EGFL6: variants seen among roughly 807,000 people sequenced by gnomAD.
EGFL6 encodes epidermal growth factor-like protein 6.
Under a neutral mutation model 43.1 loss-of-function variants are expected in EGFL6, and 42 were observed. The observed-to-expected ratio is 0.98, with a 90% CI of 0.76 to 1.26. EGFL6 has a LOEUF of 1.26. EGFL6 is among the 50% of genes most tolerant of loss of function. The pLI is 0.00. For synonymous variants in EGFL6, 164 were observed against 163.2 expected, an observed-to-expected ratio of 1.01 and a Z score of -0.04; for missense variants, 429 against 427.8, an observed-to-expected ratio of 1.00 and a Z score of -0.02.
At chrX:13,615,555 A>T (rs2045714027) in intron 7 of EGFL6, among the ~76,000 whole-genome samples, 1 of 112,112 alleles carries the variant, frequency 8.9e-6, no homozygotes, top group South Asian at 3.7e-4. Context: ...ATAACTTAAC[A>T]TGCAATCTCT....
rs1447666946 is a variant in EGFL6 at position 13,589,571 on chromosome X, G to A, written c.90G>A (p.Gly30=). ...TTATCTGCAGTGCAAGGCATCACGG[G>A]TTGTTAGCATCGGCACGTCAGCCTG... ...FGNAASARHH[G]LLASARQPGV... The change falls in exon 2 of 12, where the codon GGG becomes GGA. Residue 30 remains glycine, a synonymous_variant. Transcript: ENST00000361306. 3.3e-6 allele frequency: 4 copies of A among 1,208,578 alleles called. No individual in the cohort carries two copies. Among genetic ancestry groups the A allele is most frequent in the Non-Finnish European group, 4.5e-6 (4 of 894,323 alleles).
At chrX:13,581,357 C>G (rs146030467) in intron 1 of EGFL6, among the ~76,000 whole-genome samples, 3,605 of 111,451 alleles carry the variant, frequency 0.032, 133 homozygotes, top group African/African-American at 0.11. Flanking sequence ...GACTTGTACT[C>G]TGTTTCTTGA....
intron 4 of EGFL6, 138 bp downstream of exon 4, chrX:13,600,232 C>A: frequency 5.0e-6 from 2 of 403,470 alleles, no homozygotes; most frequent in Non-Finnish European, 7.4e-6. Context: ...TTTTGTGGCA[C>A]TTGTTTCTTT....
chrX:13,600,309 CAG>C (rs1211997034), intron 4 of EGFL6, among the ~76,000 whole-genome samples: 1 of 50,581 alleles, frequency 2.0e-5, no homozygotes, highest in Non-Finnish European at 3.2e-5. Flanking sequence ...TTTTTTGAGA[CAG>C]AGTCTCGCTC....
At chrX:13,598,775 A>G (rs1345611704) in intron 3 of EGFL6, among the ~76,000 whole-genome samples, 1 of 105,589 alleles carries the variant, frequency 9.5e-6, no homozygotes, top group Non-Finnish European at 1.9e-5. Flanking sequence ...CATCCTGTGA[A>G]CGTCATATGT....
At chrX:13,604,706 C>T (rs1202579759) in intron 5 of EGFL6, among the ~76,000 whole-genome samples, 2 of 112,037 alleles carry the variant, frequency 1.8e-5, no homozygotes, top group African/African-American at 6.5e-5. Context: ...AATTACATTG[C>T]ACCTAATATA....
Position 13,581,612 on chromosome X carries a change from T to C in EGFL6, c.75-7944T>C, listed in dbSNP as rs777040549. 3.1e-4 allele frequency among the ~76,000 whole-genome samples: 35 copies of C among 112,474 alleles called. 1 individual carries two copies. The South Asian group carries it at 0.013, about 41-fold the overall frequency. On this transcript the variant is annotated intron_variant, in intron 1 of 11. Transcript: ENST00000361306. ...TGTCTTGGAGAATATCATGAAGTTT[T>C]CTGGAATCTGACCATAAACAAACAT... is the stretch of plus-strand genomic sequence containing the variant.
At chrX:13,607,306 A>G (rs1602651567) in intron 6 of EGFL6, among the ~76,000 whole-genome samples, 1 of 111,214 alleles carries the variant, frequency 9.0e-6, no homozygotes, top group Admixed American at 9.6e-5. Flanking sequence ...ACAAAGCTAT[A>G]TGCATGACAT....
rs1431810311 is a variant in EGFL6, at chrX:13,592,925, T to C, written c.188-1911T>C. Among the ~76,000 whole-genome samples, 5 of 104,116 alleles carry C rather than the reference T, an allele frequency of 4.8e-5. 1 individual carries two copies. In the Admixed American group the frequency reaches 5.1e-4, roughly 11 times the overall value. 90.4% of individuals were successfully genotyped at this position (104,116 alleles called of 115,157 possible). A position where few individuals can be genotyped will look rare whatever the true frequency, so the allele number is the denominator to read the frequency against. On this transcript the variant is annotated intron_variant, in intron 2 of 11. Coordinates refer to ENST00000361306, the MANE Select transcript of EGFL6 (RefSeq NM_015507.4). Reference sequence around the variant, plus strand: ...ATCAGGCTAGGTTCTTTCTTTTTTTTTTTTTTTTTGACAGAGTCTTGCTTT... The same window carrying C: ...ATCAGGCTAGGTTCTTTCTTTTTTTCTTTTTTTTTGACAGAGTCTTGCTTT...
intron 1 of EGFL6, among the ~76,000 whole-genome samples, chrX:13,584,284 A>G (rs1375348784): frequency 9.3e-6 from 1 of 107,550 alleles, no homozygotes; most frequent in Non-Finnish European, 1.9e-5. Flanking sequence ...TACTAGAAAA[A>G]CTCTCCTCAT....
intron 11 of EGFL6, among the ~76,000 whole-genome samples, chrX:13,631,839 A>G (rs1404037786): frequency 9.0e-6 from 1 of 111,665 alleles, no homozygotes; most frequent in Admixed American, 9.5e-5. Flanking sequence ...CATTCAGCAA[A>G]TATTGATTTT....
intron 1 of EGFL6, among the ~76,000 whole-genome samples, chrX:13,570,538 G>C (rs2045435479): frequency 8.9e-6 from 1 of 111,895 alleles, no homozygotes; most frequent in African/African-American, 3.3e-5. Flanking sequence ...TCTTGCTATG[G>C]CAATGCAGAC....
chrX:13,578,138 A>G (rs1285304239), intron 1 of EGFL6, among the ~76,000 whole-genome samples: 1 of 111,252 alleles, frequency 9.0e-6, no homozygotes, highest in Non-Finnish European at 1.9e-5. Context: ...CTTGCTCTTC[A>G]GTACGTTCTG....
intron 7 of EGFL6, among the ~76,000 whole-genome samples, chrX:13,612,721 G>A (rs1447921062): frequency 8.1e-5 from 9 of 111,779 alleles, no homozygotes; most frequent in East Asian, 2.8e-4. Flanking sequence ...CAAAATCCAC[G>A]CTTATGTACA....
chrX:13,611,749 C>A (rs1200558735), intron 7 of EGFL6, among the ~76,000 whole-genome samples: 1 of 112,253 alleles, frequency 8.9e-6, no homozygotes, highest in Non-Finnish European at 1.9e-5. Context: ...AGAAATTTGT[C>A]TTTATTCTTT....
intron 2 of EGFL6, among the ~76,000 whole-genome samples, chrX:13,591,280 C>A (rs1014688636): frequency 9.0e-6 from 1 of 111,674 alleles, no homozygotes; most frequent in South Asian, 3.7e-4. Flanking sequence ...GATTTAGAGT[C>A]TCTCTTACAG....
At chrX:13,622,696 C>T (rs755875271) in intron 9 of EGFL6, among the ~76,000 whole-genome samples, 1 of 112,358 alleles carries the variant, frequency 8.9e-6, no homozygotes, top group African/African-American at 3.2e-5. Context: ...CACAACTATT[C>T]AACTCCGTCA....
chrX:13,593,787 G>C (rs1352746338), intron 2 of EGFL6, among the ~76,000 whole-genome samples: 1 of 111,862 alleles, frequency 8.9e-6, no homozygotes, highest in African/African-American at 3.3e-5. Context: ...TGAATTTTTT[G>C]AGTCCAGGTA....
At chrX:13,612,166 C>G (rs1044382563) in intron 7 of EGFL6, among the ~76,000 whole-genome samples, 1 of 110,940 alleles carries the variant, frequency 9.0e-6, no homozygotes, top group Non-Finnish European at 1.9e-5. Flanking sequence ...ACAAAGGTCT[C>G]TGGTTTTCCT....
Sources: gnomAD v4.1 joint callset for allele counts (sites outside exome capture counted in the v4.1 genomes callset) on GRCh38, gnomAD v4.1.1 for gene constraint, MANE v1.5 for transcripts, NCBI Gene and HGNC (gene_info 2026-07-23, HGNC 2026-07-21) for gene names.